Variants in FBXW10 observed in about 807,000 individuals in gnomAD.
FBXW10 encodes F-box/WD repeat-containing protein 10.
In FBXW10, 68 loss-of-function variants were observed where a neutral mutation model predicts 113.1. The observed-to-expected ratio is 0.60, with a 90% confidence interval of 0.49 to 0.74. The LOEUF is 0.74. FBXW10 is among the 30% of genes least tolerant of loss of function. The probability of loss-of-function intolerance (pLI) is 0.00; values close to 1 mark genes in which losing one functional copy is unlikely to be tolerated. For synonymous variants in FBXW10, 289 were observed against 481.6 expected (o/e 0.60, Z 5.24); for missense variants, 753 against 1,284.5 (o/e 0.59, Z 6.32).
intron 11 of FBXW10, among the ~76,000 whole-genome samples, chr17:18,771,792 G>A (rs1369312854): frequency 1.3e-5 from 2 of 152,164 alleles, no homozygotes; most frequent in African/African-American, 4.8e-5. Flanking sequence ...ACTCACTCCA[G>A]GAACAGAAAT....
At chr17:18,774,828 T>C (rs2035674501) in intron 12 of FBXW10, among the ~76,000 whole-genome samples, 1 of 151,998 alleles carries the variant, frequency 6.6e-6, no homozygotes, top group African/African-American at 2.4e-5. Context: ...AAAAAACCAA[T>C]AATGTATTGT....
At chr17:18,753,639 G>A (rs1163680454) in intron 5 of FBXW10, among the ~76,000 whole-genome samples, 1 of 152,150 alleles carries the variant, frequency 6.6e-6, no homozygotes, top group African/African-American at 2.4e-5. Flanking sequence ...TTGGGAGGCT[G>A]AGGCAGGTGG....
chr17:18,768,371 C>T (rs1342509739), intron 9 of FBXW10, among the ~76,000 whole-genome samples, 163 bp from the exon 10 acceptor site: 10 of 152,146 alleles, frequency 6.6e-5, no homozygotes, highest in East Asian at 1.9e-4. Flanking sequence ...CGGCCTCCAT[C>T]GGCCTTCTTA....
rs142015040 is a variant in FBXW10 at position 18,764,534 on chromosome 17, A to T, written c.1434-208A>T. On this transcript the variant is annotated intron_variant, in intron 7 of 13. Coordinates refer to ENST00000395665, the MANE Select transcript of FBXW10 (RefSeq NM_001267585.2). The stretch of plus-strand genomic sequence containing the variant: ...TATTATTATTTCCATTTTATCAATG[A>T]GGAAAGGAAACGTAACACAAAAATT... Among the ~76,000 whole-genome samples, 190 of 152,274 alleles carry T rather than the reference A, an allele frequency of 1.2e-3. 2 individuals carry two copies. The highest frequency in any genetic ancestry group is 4.3e-3 in the African/African-American group (180 of 41,568).
intron 7 of FBXW10, among the ~76,000 whole-genome samples, chr17:18,762,187 C>T (rs2035398972): frequency 6.6e-6 from 1 of 151,820 alleles, no homozygotes; most frequent in African/African-American, 2.4e-5. Flanking sequence ...TGGTCTCGAT[C>T]TCCTGACCTT....
chr17:18,744,798 G>A (rs370158560), intron 1 of FBXW10, 49 bp downstream of exon 1: 1 of 1,585,692 alleles, frequency 6.3e-7, no homozygotes, highest in African/African-American at 1.4e-5. Context: ...AGACCAGAAG[G>A]CAAGGCTTCA....
In FBXW10 at chr17:18,772,424, C is replaced by T. The variant is rs1283685308; in HGVS notation, c.2019C>T (p.Asn673=). The part of the protein sequence containing the change: ...FFIQGNRMVV[N]TESNVLMFQF... The stretch of plus-strand genomic sequence containing the variant: ...GTTTCGGTTCCAGGATGGTGGTCAA[C>T]ACAGAGAGCAATGTTCTCATGTTCC... Residue 673 remains asparagine (N), a synonymous_variant, in exon 12 of 14, where the codon AAC becomes AAT. Transcript: ENST00000395665. 3 of 1,613,754 alleles carry T rather than the reference C, an allele frequency of 1.9e-6. No homozygotes were observed. Among genetic ancestry groups the T allele is most frequent in the Non-Finnish European group, 2.5e-6 (3 of 1,179,842 alleles).
At chr17:18,775,058 C>T in intron 12 of FBXW10, 78 bp from the exon 13 acceptor site, 1 of 901,676 alleles carries the variant, frequency 1.1e-6, no homozygotes, top group Non-Finnish European at 1.8e-6. Context: ...TTATCAGCCC[C>T]ATTATTATTG....
At chr17:18,761,176 C>T (rs2035374663) in intron 7 of FBXW10, among the ~76,000 whole-genome samples, 2 of 152,094 alleles carry the variant, frequency 1.3e-5, no homozygotes, top group African/African-American at 4.8e-5. Context: ...ATCAAAATCC[C>T]CCTCCTTGAA....
rs756073865 is a variant in FBXW10, at chr17:18,750,005, T to A, written c.872-5T>A. 1.2e-6 allele frequency: 2 copies of A among 1,614,042 alleles called. No individual in the cohort carries two copies. The highest frequency in any genetic ancestry group is 1.7e-6 in the Non-Finnish European group (2 of 1,180,012). On this transcript the variant is annotated splice_region_variant and splice_polypyrimidine_tract_variant and intron_variant, in intron 3 of 13. Coordinates refer to ENST00000395665, the MANE Select transcript of FBXW10 (RefSeq NM_001267585.2). ...GGGTTTCTGGGTCCATCTTTTTTTT[T>A]CCAGGAATGCTGGATAGACACACCC...
chr17:18,766,487 G>A (rs901109582), intron 8 of FBXW10, among the ~76,000 whole-genome samples: 4 of 152,146 alleles, frequency 2.6e-5, no homozygotes, highest in Non-Finnish European at 5.9e-5. Context: ...TCTGGATTGT[G>A]GGCTCCCTCA....
At chr17:18,751,086 G>C in intron 5 of FBXW10, 33 bp downstream of exon 5, 1 of 1,613,258 alleles carries the variant, frequency 6.2e-7, no homozygotes, top group Non-Finnish European at 8.5e-7. Context: ...GCAAGTAGCT[G>C]TGAGCGTCTC....
rs950204472 is a variant in FBXW10 at position 18,770,234 on chromosome 17, G to A, written c.2006+149G>A. On this transcript the variant is annotated intron_variant, in intron 11 of 13. Coordinates refer to ENST00000395665, the MANE Select transcript of FBXW10 (RefSeq NM_001267585.2). The stretch of plus-strand genomic sequence containing the variant: ...ACAATTCTGGCTGGGTGGAGCAATA[G>A]TCTTGTGGTGGGGACTAACAGGGCT... The A allele has an allele frequency of 9.1e-6, 11 of 1,205,408 alleles. No individual in the cohort carries two copies. In the African/African-American group the frequency reaches 1.4e-4, roughly 15 times the overall value. 74.7% of individuals were successfully genotyped at this position (1,205,408 alleles called of 1,614,324 possible).
At chr17:18,776,245 A>G (rs1020037279) in intron 13 of FBXW10, among the ~76,000 whole-genome samples, 1 of 151,900 alleles carries the variant, frequency 6.6e-6, no homozygotes, top group African/African-American at 2.4e-5. Context: ...TGCTTGAACC[A>G]GAGAGGGGTG....
chr17:18,772,539 C>T lies in FBXW10; in HGVS notation c.2134C>T (p.Leu712Phe). The change falls in exon 12 of 14, where the codon CTC (leucine) becomes TTC (phenylalanine). Residue 712 changes from leucine (L) to phenylalanine (F), a missense_variant. Physicochemically the swap from Leu to Phe is conservative, Grantham distance 22 (BLOSUM62 0). Transcript: ENST00000395665. ...EKEEEKEENS[L>F]MEILSKCNIQ... ...AGAGGAGGAAAAAGAAGAAAATAGT[C>T]TCATGGAAATTCTCTCTAAGTGTAA... The T allele has an allele frequency of 3.7e-6, 6 of 1,614,078 alleles. No homozygotes were observed. The highest frequency in any genetic ancestry group is 4.2e-6 in the Non-Finnish European group (5 of 1,179,934).
At position 18,768,419 on chromosome 17, in the gene FBXW10, A is replaced by C. The variant is rs1445511025; in HGVS notation, c.1705-115A>C. 1.7e-5 allele frequency: 24 copies of C among 1,381,518 alleles called. No homozygotes were observed. The Middle Eastern group carries it at 1.2e-3, about 67-fold the overall frequency. 85.6% of individuals were successfully genotyped at this position (1,381,518 alleles called of 1,614,324 possible). A position where few individuals can be genotyped will look rare whatever the true frequency, so the allele number is the denominator to read the frequency against. On this transcript the variant is annotated intron_variant, in intron 9 of 13. Transcript: ENST00000395665. ...GATTAGCTCAGGTACCTACCGAGTG[A>C]CTGGCAGTCACAGATTGGTGGGGGG...
At chr17:18,760,872 A>G (rs906523883) in intron 7 of FBXW10, among the ~76,000 whole-genome samples, 1 of 151,192 alleles carries the variant, frequency 6.6e-6, no homozygotes, top group African/African-American at 2.4e-5. Flanking sequence ...TCCCTCTTCT[A>G]GGTCATAGAG....
At chr17:18,778,125 C>T (rs1427565048) in intron 13 of FBXW10, among the ~76,000 whole-genome samples, 4 of 152,010 alleles carry the variant, frequency 2.6e-5, no homozygotes, top group East Asian at 3.9e-4. Flanking sequence ...TGGTGGCGGA[C>T]GCCTGTAGTC....
In FBXW10 at chr17:18,769,920, C is replaced by T. The variant is rs1347047161; in HGVS notation, c.1848-7C>T. The T allele has an allele frequency of 4.3e-6, 7 of 1,614,134 alleles. No individual in the cohort carries two copies. Among genetic ancestry groups the T allele is most frequent in the Non-Finnish European group, 5.9e-6 (7 of 1,180,006 alleles). ...TGGGTACTGCCTGCTACTCTGTTCC[C>T]TTCCAGGGAGGTGCTCGACGTGTCC... is the stretch of plus-strand genomic sequence containing the variant. On this transcript the variant is annotated splice_region_variant and splice_polypyrimidine_tract_variant and intron_variant, in intron 10 of 13. Transcript: ENST00000395665.
Sources: allele counts gnomAD v4.1 joint callset (sites outside exome capture counted in the v4.1 genomes callset), GRCh38; gene constraint gnomAD v4.1.1; transcripts MANE v1.5; gene names NCBI Gene and HGNC (gene_info 2026-07-23, HGNC 2026-07-21).